Variants in NPSR1 observed in about 807,000 individuals in gnomAD.
NPSR1 encodes neuropeptide S receptor.
A neutral mutation model predicts 46.9 loss-of-function variants in NPSR1; 48 were observed. The observed-to-expected ratio is 1.02, with a 90% CI of 0.81 to 1.30. The LOEUF is 1.30. Ranked by LOEUF, NPSR1 falls within the 50% of genes most tolerant of loss-of-function variation. The pLI is 0.00. For missense variants in NPSR1, 450 were observed against 449.5 expected (o/e 1.00, Z -0.01); for synonymous variants, 176 against 168.1 (o/e 1.05, Z -0.36).
chr7:34,693,295 G>T (rs1199973158), intron 2 of NPSR1, among the ~76,000 whole-genome samples: 11 of 150,716 alleles, frequency 7.3e-5, no homozygotes, highest in Admixed American at 4.6e-4. Flanking sequence ...TTGTGAGAAT[G>T]GACTAATGCA....
At chr7:34,823,455 A>G (rs1789673009) in intron 4 of NPSR1, among the ~76,000 whole-genome samples, 1 of 151,318 alleles carries the variant, frequency 6.6e-6, no homozygotes, top group African/African-American at 2.4e-5. Context: ...AGAAATATTC[A>G]TTTTGACTAC....
At chr7:34,696,319 G>A (rs1793526378) in intron 2 of NPSR1, among the ~76,000 whole-genome samples, 1 of 152,016 alleles carries the variant, frequency 6.6e-6, no homozygotes, top group African/African-American at 2.4e-5. Flanking sequence ...AAGAGAGAAA[G>A]GTGGGAGGTG....
chr7:34,869,080 T>A (rs1791390029), intron 8 of NPSR1, among the ~76,000 whole-genome samples: 1 of 151,726 alleles, frequency 6.6e-6, no homozygotes, highest in Non-Finnish European at 1.5e-5. Flanking sequence ...CTATTTCACA[T>A]TTAAGTTCAA....
At chr7:34,797,646 T>C (rs1162191533) in intron 3 of NPSR1, among the ~76,000 whole-genome samples, 1 of 152,096 alleles carries the variant, frequency 6.6e-6, no homozygotes, top group African/African-American at 2.4e-5. Context: ...TCTAAATTAA[T>C]GGCAAACACC....
intron 2 of NPSR1, among the ~76,000 whole-genome samples, chr7:34,729,972 C>T (rs1427610501): frequency 6.6e-6 from 1 of 152,158 alleles, no homozygotes; most frequent in Non-Finnish European, 1.5e-5. Context: ...TGGGGTTTCA[C>T]CATGTTGGCC....
intron 1 of NPSR1, among the ~76,000 whole-genome samples, chr7:34,662,366 T>C (rs1410758427): frequency 6.6e-6 from 1 of 151,780 alleles, no homozygotes; most frequent in African/African-American, 2.4e-5. Flanking sequence ...AACACACTCT[T>C]CCTCCATTAA....
At chr7:34,720,745 C>T (rs1056061886) in intron 2 of NPSR1, among the ~76,000 whole-genome samples, 1 of 152,118 alleles carries the variant, frequency 6.6e-6, no homozygotes, top group South Asian at 2.1e-4. Flanking sequence ...GAGCTTTGAC[C>T]TGCCTCCAGA....
At chr7:34,798,695 G>A (rs181239973) in intron 3 of NPSR1, among the ~76,000 whole-genome samples, 117 of 152,076 alleles carry the variant, frequency 7.7e-4, no homozygotes, top group Non-Finnish European at 8.4e-4. Flanking sequence ...ACTTATATGC[G>A]ATTTCCATCA....
chr7:34,847,094 G>T (rs945744695), intron 7 of NPSR1, among the ~76,000 whole-genome samples: 1 of 152,188 alleles, frequency 6.6e-6, no homozygotes, highest in Non-Finnish European at 1.5e-5. Context: ...TGGGTTTTGT[G>T]TTTGAATTGC....
chr7:34,744,250 A>G (rs1281254395), intron 2 of NPSR1, among the ~76,000 whole-genome samples: 1 of 152,242 alleles, frequency 6.6e-6, no homozygotes, highest in African/African-American at 2.4e-5. Flanking sequence ...TTTTAGCATT[A>G]AAAAGATTTT....
intron 2 of NPSR1, chr7:34,750,214 C>G (rs1785449630): frequency 5.4e-6 from 3 of 557,814 alleles, no homozygotes; most frequent in Non-Finnish European, 1.0e-5. Context: ...ACAAGTTACC[C>G]TGCACAGGGA....
intron 2 of NPSR1, among the ~76,000 whole-genome samples, chr7:34,749,716 T>C (rs1785410562): frequency 6.6e-6 from 1 of 152,252 alleles, no homozygotes; most frequent in Admixed American, 6.5e-5. Flanking sequence ...CCCTGATTAT[T>C]GTAATAACTG....
At chr7:34,826,821 C>T (rs759336361) in intron 4 of NPSR1, among the ~76,000 whole-genome samples, 36 of 151,526 alleles carry the variant, frequency 2.4e-4, no homozygotes, top group Non-Finnish European at 3.4e-4. Context: ...GTTTTGAATG[C>T]ACCCTACTCT....
chr7:34,663,041 T>TTGTCTCTCTCTCTCTCTCTCTC (rs1791535216), intron 1 of NPSR1, among the ~76,000 whole-genome samples: 1 of 108,286 alleles, frequency 9.2e-6, no homozygotes, highest in South Asian at 3.4e-4. Flanking sequence ...TGTAGTGCAT[T>TTGTCTCTCTCTCTCTCTCTCTC]TCTCTCTCTC....
intron 2 of NPSR1, among the ~76,000 whole-genome samples, chr7:34,737,884 G>A (rs866647477): frequency 6.6e-6 from 1 of 152,146 alleles, no homozygotes. Flanking sequence ...TCTCCTTCCA[G>A]GAGTTCTCTT....
intron 2 of NPSR1, among the ~76,000 whole-genome samples, chr7:34,757,077 G>T (rs540907575): frequency 1.3e-5 from 2 of 152,262 alleles, no homozygotes; most frequent in East Asian, 3.9e-4. Flanking sequence ...TGCCATGTTG[G>T]TTCGATGAGA....
intron 2 of NPSR1, among the ~76,000 whole-genome samples, chr7:34,707,091 T>C (rs763392668): frequency 2.0e-5 from 3 of 152,168 alleles, no homozygotes; most frequent in Non-Finnish European, 4.4e-5. Context: ...CTTAGAAAAA[T>C]TGGGTTTCTT....
At chr7:34,658,619 A>C (rs1485048255) in intron 1 of NPSR1, 60 bp downstream of exon 1, 2 of 1,511,182 alleles carry the variant, frequency 1.3e-6, no homozygotes, top group African/African-American at 1.4e-5. Flanking sequence ...GCTGGAACTT[A>C]AGAGTGTCAA....
intron 2 of NPSR1, among the ~76,000 whole-genome samples, chr7:34,766,954 C>T (rs1020169828): frequency 2.6e-5 from 4 of 152,068 alleles, no homozygotes; most frequent in African/African-American, 9.7e-5. Flanking sequence ...AATCACAAAA[C>T]TATAATGATA....
Sources: allele counts gnomAD v4.1 joint callset (sites outside exome capture counted in the v4.1 genomes callset), GRCh38; gene constraint gnomAD v4.1.1; transcripts MANE v1.5; gene names NCBI Gene and HGNC (gene_info 2026-07-23, HGNC 2026-07-21).